Variants in GLRA2 observed in about 807,000 individuals in gnomAD.
The protein encoded by GLRA2 is glycine receptor subunit alpha-2.
Under a neutral mutation model 31.6 loss-of-function variants are expected in GLRA2, and 11 were observed. That is an observed-to-expected ratio of 0.35 (90% CI 0.22 to 0.58). GLRA2 has a LOEUF of 0.58. GLRA2 is among the 20% of genes least tolerant of loss of function. GLRA2 has a pLI of 0.84. For synonymous variants in GLRA2, 132 were observed against 134.0 expected (o/e 0.99, Z 0.10); for missense variants, 212 against 351.8 (o/e 0.60, Z 3.18).
intron 7 of GLRA2, among the ~76,000 whole-genome samples, chrX:14,684,265 G>A (rs1052857061): frequency 9.0e-6 from 1 of 111,127 alleles, no homozygotes. Context: ...CTCCAGCTTT[G>A]TTCTTTTGGC....
Position 14,530,974 on chromosome X carries a change from C to T in GLRA2, c.68+849C>T, listed in dbSNP as rs912078484. ...AATTTTATGGCATTTTTTCACAGAACCAAGATAAATGGAACACATAGTAAT... is the reference window on the plus strand; with the variant it reads ...AATTTTATGGCATTTTTTCACAGAATCAAGATAAATGGAACACATAGTAAT... On this transcript the variant is annotated intron_variant, in intron 1 of 8. Coordinates refer to ENST00000218075, the MANE Select transcript of GLRA2 (RefSeq NM_002063.4). 1.7e-5 allele frequency: 15 copies of T among 862,146 alleles called. No individual in the cohort carries two copies. In the Admixed American group the frequency reaches 4.3e-4, roughly 25 times the overall value. The allele number at this position is 862,146 out of a possible 1,213,427, so 71.1% of individuals were successfully genotyped here.
intron 7 of GLRA2, among the ~76,000 whole-genome samples, chrX:14,616,712 T>C (rs189549536): frequency 1.8e-5 from 2 of 112,192 alleles, no homozygotes; most frequent in Admixed American, 1.9e-4. Flanking sequence ...TGATTGCTCC[T>C]TGAATCAGGT....
At chrX:14,528,570 T>G (rs746870239), upstream of GLRA2, among the ~76,000 whole-genome samples, 1 of 111,888 alleles carries the variant, frequency 8.9e-6, no homozygotes, top group Admixed American at 9.5e-5. Flanking sequence ...ATAATAATAT[T>G]TGTAATTTTG....
At chrX:14,580,372 G>C (rs1017797333) in intron 3 of GLRA2, among the ~76,000 whole-genome samples, 1 of 112,053 alleles carries the variant, frequency 8.9e-6, no homozygotes. Flanking sequence ...AGCCTCAATC[G>C]GAGTCCAGAT....
the GLRA2 span, among the ~76,000 whole-genome samples, chrX:14,483,211 G>A: frequency 8.9e-6 from 1 of 111,783 alleles, no homozygotes; most frequent in Non-Finnish European, 1.9e-5. Context: ...GCATAAAATA[G>A]AAAGCTCTCT....
Position 14,690,846 on chromosome X carries a change from A to G in GLRA2, c.1067A>G (p.Lys356Arg). 8.3e-7 allele frequency: 1 copy of G among 1,209,663 alleles called. No homozygotes were observed. The highest frequency in any genetic ancestry group is 1.1e-6 in the Non-Finnish European group (1 of 893,643). ...TTCCTGCGCCTCCGAAGAAGACAGA[A>G]GAGGCAGAATAAGGTATGATTGCCC... ...KEFLRLRRRQ[K>R]RQNKEEDVTR... The change falls in exon 8 of 9, where the codon AAG becomes AGG. Residue 356 changes from lysine (K) to arginine (R), a missense_variant. Physicochemically the swap from Lys to Arg is conservative, Grantham distance 26 (BLOSUM62 2). Transcript: ENST00000218075.
chrX:14,579,229 G>A (rs2089989447), intron 3 of GLRA2, among the ~76,000 whole-genome samples: 1 of 111,980 alleles, frequency 8.9e-6, no homozygotes, highest in South Asian at 3.8e-4. Flanking sequence ...TTCTATAGCT[G>A]CGTAAACAAG....
the GLRA2 span, among the ~76,000 whole-genome samples, chrX:14,497,831 G>A: frequency 9.4e-6 from 1 of 106,327 alleles, no homozygotes; most frequent in Non-Finnish European, 1.9e-5. Context: ...CTCAAAATGT[G>A]TCCCTTAAAA....
At position 14,727,033 on chromosome X, in the gene GLRA2, G is replaced by A. The variant is rs1488454742; in HGVS notation, c.1081-3174G>A. ...GCAGATAAGGAGAAAGGTATTTTGA[G>A]GGGTTGTTTCTATTTCAATAGTAAC... is the stretch of plus-strand genomic sequence containing the variant. On this transcript the variant is annotated intron_variant, in intron 8 of 8. Transcript: ENST00000218075. 3.6e-5 allele frequency among the ~76,000 whole-genome samples: 4 copies of A among 111,934 alleles called. No homozygotes were observed. In the East Asian group the frequency reaches 8.4e-4, roughly 23 times the overall value.
At chrX:14,643,655 A>G (rs1455829217) in intron 7 of GLRA2, among the ~76,000 whole-genome samples, 1 of 111,817 alleles carries the variant, frequency 8.9e-6, no homozygotes, top group African/African-American at 3.2e-5. Context: ...AATTTGAATT[A>G]TACCAGGAAT....
intron 7 of GLRA2, among the ~76,000 whole-genome samples, chrX:14,623,662 C>A (rs1273420455): frequency 9.0e-6 from 1 of 111,376 alleles, no homozygotes; most frequent in South Asian, 3.8e-4. Flanking sequence ...TATCGATTTG[C>A]GTATGTTGAA....
chrX:14,555,934 G>A (rs1011604603), intron 2 of GLRA2, among the ~76,000 whole-genome samples: 2 of 111,402 alleles, frequency 1.8e-5, no homozygotes, highest in Non-Finnish European at 3.8e-5. Context: ...ACAGTGAATC[G>A]GGTAAAATCC....
the GLRA2 span, among the ~76,000 whole-genome samples, chrX:14,509,588 T>G: frequency 2.7e-5 from 3 of 112,238 alleles, no homozygotes; most frequent in Non-Finnish European, 5.6e-5. Flanking sequence ...AAAGTGGGGC[T>G]TAGGGCTTAA....
chrX:14,605,654 T>G (rs1445552386), intron 5 of GLRA2, among the ~76,000 whole-genome samples: 2 of 112,049 alleles, frequency 1.8e-5, no homozygotes, highest in African/African-American at 6.5e-5. Context: ...GTAAATAAGC[T>G]CAGTCCTGGC....
At chrX:14,512,469 G>A in the GLRA2 span, among the ~76,000 whole-genome samples, 6 of 111,543 alleles carry the variant, frequency 5.4e-5, no homozygotes, top group Admixed American at 5.7e-4. Context: ...TCAGTAAAGA[G>A]GAAGTCAAAG....
chrX:14,602,006 C>T (rs2090280934), intron 4 of GLRA2, among the ~76,000 whole-genome samples: 1 of 111,603 alleles, frequency 9.0e-6, no homozygotes, highest in Non-Finnish European at 1.9e-5. Context: ...TCTTACCTAC[C>T]TCATCATTTG....
At chrX:14,700,659 A>G (rs1159473988) in intron 8 of GLRA2, among the ~76,000 whole-genome samples, 2 of 111,278 alleles carry the variant, frequency 1.8e-5, no homozygotes, top group Non-Finnish European at 3.8e-5. Context: ...CAGACACAAG[A>G]TTTTAGGCAG....
chrX:14,724,676 C>CAAAAA (rs2091911131), intron 8 of GLRA2, among the ~76,000 whole-genome samples: 1 of 99,212 alleles, frequency 1.0e-5, no homozygotes, highest in African/African-American at 3.8e-5. Context: ...GGCAGTTGCT[C>CAAAAA]AATAAATAAA....
intron 8 of GLRA2, among the ~76,000 whole-genome samples, chrX:14,712,063 G>C (rs1394649340): frequency 8.9e-6 from 1 of 112,802 alleles, no homozygotes; most frequent in Non-Finnish European, 1.9e-5. Context: ...ATGCCATCTA[G>C]CTTTCCTTCA....
Sources: gnomAD v4.1 joint callset for allele counts (sites outside exome capture counted in the v4.1 genomes callset) on GRCh38, gnomAD v4.1.1 for gene constraint, MANE v1.5 for transcripts, NCBI Gene and HGNC (gene_info 2026-07-23, HGNC 2026-07-21) for gene names.